UHRF1: variants seen among roughly 807,000 people sequenced by gnomAD.
UHRF1 encodes the protein E3 ubiquitin-protein ligase UHRF1.
In UHRF1, 9 loss-of-function variants were observed where a neutral mutation model predicts 96.5. The observed-to-expected ratio is 0.09, with a 90% CI of 0.06 to 0.16. The LOEUF (loss-of-function observed/expected upper bound fraction) is 0.16. Ranked by LOEUF, UHRF1 falls within the 10% of genes least tolerant of loss-of-function variation. UHRF1 has a pLI of 1.00. For synonymous variants in UHRF1, 455 were observed against 469.9 expected (o/e 0.97, Z 0.41); for missense variants, 626 against 1,131.1 (o/e 0.55, Z 6.40).
intron 5 of UHRF1, among the ~76,000 whole-genome samples, chr19:4,939,080 A>ATT (rs34135103): frequency 3.2e-4 from 48 of 147,846 alleles, no homozygotes; most frequent in South Asian, 2.1e-4. Flanking sequence ...CACCTGGCTC[A>ATT]TTTTTTTTTG....
chr19:4,935,097 C>T (rs2033177168), intron 5 of UHRF1, among the ~76,000 whole-genome samples: 1 of 152,074 alleles, frequency 6.6e-6, no homozygotes, highest in Admixed American at 6.6e-5. Context: ...CCTCACCCTC[C>T]TGAGTAGCTG....
chr19:4,954,587 G>C lies in UHRF1; in HGVS notation c.1958-63G>C. 6.3e-7 allele frequency: 1 copy of C among 1,592,896 alleles called. No homozygotes were observed. The highest frequency in any genetic ancestry group is 1.1e-5 in the South Asian group (1 of 88,248). On this transcript the variant is annotated intron_variant, in intron 14 of 16. Transcript: ENST00000650932. The surrounding 1 kb of genome is among the most constrained non-coding windows in gnomAD (Gnocchi z 5.9). ...TGAGGTCGTGTGGACGTGGGAGCCG[G>C]TGGCTGTCTCTCCGGCAGCTCGGGC...
intron 4 of UHRF1, 83 bp from the exon 5 acceptor site, chr19:4,932,658 G>T (rs1034731816): frequency 6.7e-7 from 1 of 1,486,294 alleles, no homozygotes; most frequent in Admixed American, 1.8e-5. Flanking sequence ...GTCGGGAGGG[G>T]CCGTCCCACC....
chr19:4,939,775 A>C (rs2033328018), intron 5 of UHRF1, among the ~76,000 whole-genome samples: 2 of 152,188 alleles, frequency 1.3e-5, no homozygotes, highest in Non-Finnish European at 1.5e-5. Context: ...CTGTAATCCC[A>C]GTACTTTGGG....
At chr19:4,924,792 G>A (rs541166218) in intron 2 of UHRF1, among the ~76,000 whole-genome samples, 52 of 150,108 alleles carry the variant, frequency 3.5e-4, no homozygotes, top group African/African-American at 1.3e-3. Context: ...TGAGTCCACA[G>A]TCTACATACA....
chr19:4,953,185 G>C (rs540163211), intron 13 of UHRF1, among the ~76,000 whole-genome samples: 1 of 152,278 alleles, frequency 6.6e-6, no homozygotes, highest in African/African-American at 2.4e-5. Flanking sequence ...TTTGCGATTA[G>C]ACAGGATTAG....
At chr19:4,952,384 G>A (rs908897333) in intron 13 of UHRF1, among the ~76,000 whole-genome samples, 5 of 137,724 alleles carry the variant, frequency 3.6e-5, no homozygotes, top group African/African-American at 8.2e-5. Flanking sequence ...GTAAGCCACC[G>A]CTCCCAGCCT....
At chr19:4,941,327 C>T (rs1435874724) in intron 5 of UHRF1, among the ~76,000 whole-genome samples, 1 of 151,886 alleles carries the variant, frequency 6.6e-6, no homozygotes. Flanking sequence ...CTGACCTCGG[C>T]CTCCCAGTGT....
upstream of UHRF1, among the ~76,000 whole-genome samples, chr19:4,905,237 C>T (rs1051679019): frequency 6.6e-6 from 1 of 150,406 alleles, no homozygotes; most frequent in Non-Finnish European, 1.5e-5. Flanking sequence ...CTGCCTCAGC[C>T]TCCCGAGTAG....
At position 4,960,769 on chromosome 19, in the gene UHRF1, A is replaced by G; in HGVS notation, c.2348A>G (p.Asn783Ser). 2.5e-6 allele frequency: 4 copies of G among 1,576,846 alleles called. No homozygotes were observed. Among genetic ancestry groups the G allele is most frequent in the Non-Finnish European group, 3.5e-6 (4 of 1,159,262 alleles). The stretch of plus-strand genomic sequence containing the variant: ...AACCAGCCTCTGCAGACCGTCCTCA[A>G]CCAGCTCTTCCCCGGCTACGGCAAT... ...QVNQPLQTVL[N>S]QLFPGYGNGR The change falls in exon 17 of 17, where the codon AAC becomes AGC. Residue 783 changes from asparagine (N) to serine (S), a missense_variant. By Grantham distance (46) the Asn-to-Ser change is conservative. Around this residue, in one of 11 missense-constraint regions of UHRF1, gnomAD observed 84 missense variants for 150.3 expected, o/e 0.56. Transcript: ENST00000650932.
chr19:4,915,737 CCAAAA>C (rs1414737478), intron 2 of UHRF1, among the ~76,000 whole-genome samples: 1 of 151,844 alleles, frequency 6.6e-6, no homozygotes, highest in Non-Finnish European at 1.5e-5. Context: ...AAAAACAAAA[CCAAAA>C]CAAAAGAGGT....
chr19:4,957,089 C>T (rs1041576243), intron 16 of UHRF1, among the ~76,000 whole-genome samples: 3 of 152,066 alleles, frequency 2.0e-5, no homozygotes, highest in African/African-American at 7.2e-5. Context: ...GTGCACATCC[C>T]CTAGGGGTCA....
At position 4,909,874 on chromosome 19, in the gene UHRF1, G is replaced by C. The variant is rs1171291455; in HGVS notation, c.-11+219G>C. Reference sequence around the variant, plus strand: ...CGCTGCGTCCCCGGAGCCCGGCGGGGGGTCGAGCGCGCCGGGTGGGGGAGG... The same window carrying C: ...CGCTGCGTCCCCGGAGCCCGGCGGGCGGTCGAGCGCGCCGGGTGGGGGAGG... On this transcript the variant is annotated intron_variant, in intron 1 of 16. Coordinates refer to ENST00000650932, the MANE Select transcript of UHRF1 (RefSeq NM_001048201.3). 7.9e-6 allele frequency: 3 copies of C among 379,920 alleles called. No individual in the cohort carries two copies. The East Asian group carries it at 1.2e-4, about 15-fold the overall frequency. The allele number at this position is 379,920 out of a possible 1,614,324, so 23.5% of individuals were successfully genotyped here.
At chr19:4,941,081 TTTTG>T (rs1167582737) in intron 5 of UHRF1, among the ~76,000 whole-genome samples, 14,405 of 111,548 alleles carry the variant, frequency 0.13, 1,512 homozygotes, top group East Asian at 0.4. Context: ...GGTTTCTGTG[TTTTG>T]TTTTTTTTTT....
upstream of UHRF1, among the ~76,000 whole-genome samples, chr19:4,904,543 GACCTCATGA>G (rs2032025395): frequency 1.3e-5 from 2 of 151,876 alleles, no homozygotes; most frequent in Admixed American, 6.6e-5. Context: ...TTGAACTCCT[GACCTCATGA>G]TCCACCCGCC....
At chr19:4,923,989 C>T (rs955746629) in intron 2 of UHRF1, among the ~76,000 whole-genome samples, 14 of 152,134 alleles carry the variant, frequency 9.2e-5, no homozygotes, top group African/African-American at 1.2e-4. Context: ...CTTTTTAAGA[C>T]GGAGTCTCAT....
chr19:4,941,268 T>A (rs987013265), intron 5 of UHRF1, among the ~76,000 whole-genome samples: 1 of 151,448 alleles, frequency 6.6e-6, no homozygotes, highest in South Asian at 2.1e-4. Context: ...TTTTTGTATT[T>A]TCAGTGGAGG....
At chr19:4,949,600 G>A (rs2033664169) in intron 11 of UHRF1, among the ~76,000 whole-genome samples, 1 of 152,076 alleles carries the variant, frequency 6.6e-6, no homozygotes, top group African/African-American at 2.4e-5. Context: ...AGGCTGAGGT[G>A]GGAGGATTGC....
At chr19:4,912,774 C>G (rs569095186) in intron 2 of UHRF1, among the ~76,000 whole-genome samples, 5 of 152,020 alleles carry the variant, frequency 3.3e-5, no homozygotes, top group African/African-American at 1.2e-4. Flanking sequence ...TGTTGTTGTT[C>G]CTATTTGAGA....
Sources: allele counts gnomAD v4.1 joint callset (sites outside exome capture counted in the v4.1 genomes callset), GRCh38; gene constraint gnomAD v4.1.1; regional missense constraint gnomAD v4.1.1; non-coding constraint Gnocchi (gnomAD v3.1); transcripts MANE v1.5; gene names NCBI Gene and HGNC (gene_info 2026-07-23, HGNC 2026-07-21).